ANXA2: variants seen among roughly 807,000 people sequenced by gnomAD.
The protein encoded by ANXA2 is annexin A2.
In ANXA2, 28 loss-of-function variants were observed where a neutral mutation model predicts 47.3. That is an observed-to-expected ratio of 0.59 (90% CI 0.44 to 0.81). The LOEUF is 0.81. Ranked by LOEUF, ANXA2 falls within the 40% of genes least tolerant of loss-of-function variation. The pLI is 0.00. For synonymous variants in ANXA2, 172 were observed against 155.5 expected (o/e 1.11, Z -0.79); for missense variants, 384 against 414.3 (o/e 0.93, Z 0.64).
At chr15:60,388,890 TGCCACTACA>T in intron 1 of ANXA2, among the ~76,000 whole-genome samples, 1 of 138,956 alleles carries the variant, frequency 7.2e-6, no homozygotes, top group Non-Finnish European at 1.6e-5. Context: ...TACAGGCGTG[TGCCACTACA>T]CCTGGCTTTT....
chr15:60,378,185 A>G (rs2062807282), intron 3 of ANXA2, among the ~76,000 whole-genome samples: 1 of 152,222 alleles, frequency 6.6e-6, no homozygotes, highest in South Asian at 2.1e-4. Context: ...TGACACATTT[A>G]AGGTGAATGG....
intron 1 of ANXA2, chr15:60,393,180 C>G: frequency 8.2e-7 from 1 of 1,223,916 alleles, no homozygotes; most frequent in South Asian, 1.5e-5. Context: ...ACAGCACTTG[C>G]TCCAGCTTGT....
At chr15:60,348,741 G>A (rs1424638143) in intron 12 of ANXA2, among the ~76,000 whole-genome samples, 3 of 118,212 alleles carry the variant, frequency 2.5e-5, no homozygotes, top group African/African-American at 3.3e-5. Flanking sequence ...GCAAGACTCC[G>A]TCTCAAAAAA....
chr15:60,359,001 C>T (rs2062473649), intron 5 of ANXA2, among the ~76,000 whole-genome samples: 1 of 152,186 alleles, frequency 6.6e-6, no homozygotes, highest in African/African-American at 2.4e-5. Context: ...ACAGACTGTC[C>T]ACAATTCCTA....
chr15:60,347,827 A>G, intron 12 of ANXA2, 138 bp from the exon 13 acceptor site: 1 of 774,796 alleles, frequency 1.3e-6, no homozygotes, highest in Non-Finnish European at 2.1e-6. Context: ...CTGCCCTGAT[A>G]CAAAGGCCTG....
chr15:60,397,921 G>C, intron 1 of ANXA2, 22 bp downstream of exon 1: 1 of 1,330,084 alleles, frequency 7.5e-7, no homozygotes, highest in Non-Finnish European at 9.6e-7. Flanking sequence ...CATCGCGGGC[G>C]GGCAGGGCGC....
In ANXA2 at chr15:60,354,159, C is replaced by T; in HGVS notation, c.583G>A (p.Ala195Thr). 1 of 1,613,830 alleles carries T rather than the reference C, an allele frequency of 6.2e-7. No homozygotes were observed. The highest frequency in any genetic ancestry group is 8.5e-7 in the Non-Finnish European group (1 of 1,179,798). ...VIDYELIDQD[A>T]RDLYDAGVKR... ...GCAAAAAGCTCAGCACTTACCCGAG[C>T]ATCTTGGTCAATCAGTTCATAATCA... The change falls in exon 8 of 13, where the codon GCT becomes ACT. Residue 195 changes from alanine (A) to threonine (T), a missense_variant. Coordinates refer to ENST00000451270, the MANE Select transcript of ANXA2 (RefSeq NM_004039.3).
At chr15:60,347,775 A>G (rs118183800) in intron 12 of ANXA2, 86 bp from the exon 13 acceptor site, 15,066 of 1,176,696 alleles carry the variant, frequency 0.013, 125 homozygotes, top group Non-Finnish European at 0.015. Flanking sequence ...TCAACGCACA[A>G]TGAAGCTTCT....
chr15:60,389,854 G>A (rs576141249), intron 1 of ANXA2, among the ~76,000 whole-genome samples: 2 of 152,198 alleles, frequency 1.3e-5, no homozygotes, highest in South Asian at 2.1e-4. Context: ...GCTCCAACAG[G>A]GTCACCACGA....
chr15:60,382,467 A>C, intron 2 of ANXA2, 26 bp from the exon 3 acceptor site: 2 of 1,479,264 alleles, frequency 1.4e-6, no homozygotes, highest in Non-Finnish European at 1.9e-6. Flanking sequence ...AAACATACTC[A>C]AATGACACAC....
intron 3 of ANXA2, among the ~76,000 whole-genome samples, chr15:60,381,443 A>G (rs1229263703): frequency 6.6e-6 from 1 of 152,196 alleles, no homozygotes; most frequent in Non-Finnish European, 1.5e-5. Flanking sequence ...AGGGGATGGG[A>G]CAACCCCAAG....
chr15:60,350,985 C>T (rs924055989), intron 11 of ANXA2, among the ~76,000 whole-genome samples: 6 of 152,226 alleles, frequency 3.9e-5, no homozygotes, highest in African/African-American at 1.2e-4. Context: ...TTTGTCTGTA[C>T]GCAAATACAT....
At chr15:60,374,829 A>G in intron 3 of ANXA2, 1 of 397,464 alleles carries the variant, frequency 2.5e-6, no homozygotes, top group South Asian at 1.8e-5. Context: ...ACACAGAGAG[A>G]AAGGCCTCAG....
chr15:60,365,844 C>T (rs1338086059), intron 3 of ANXA2, among the ~76,000 whole-genome samples: 2 of 78,566 alleles, frequency 2.5e-5, no homozygotes, highest in African/African-American at 1.2e-4. Context: ...CTCCCTCTCC[C>T]TCTCCCCCTC....
intron 3 of ANXA2, among the ~76,000 whole-genome samples, chr15:60,375,236 G>T (rs951507872): frequency 6.6e-6 from 1 of 152,096 alleles, no homozygotes; most frequent in African/African-American, 2.4e-5. Context: ...CTGAGAAAGG[G>T]GGGAGAAAAA....
At chr15:60,381,367 T>A (rs552288167) in intron 3 of ANXA2, among the ~76,000 whole-genome samples, 1 of 152,256 alleles carries the variant, frequency 6.6e-6, no homozygotes, top group Non-Finnish European at 1.5e-5. Context: ...AAGTGCTTTA[T>A]CCAAGGGGGG....
chr15:60,396,662 G>A (rs181298780), intron 1 of ANXA2, among the ~76,000 whole-genome samples: 15 of 152,328 alleles, frequency 9.8e-5, no homozygotes, highest in Admixed American at 2.0e-4. Flanking sequence ...GCCTGGGAAC[G>A]TCAGCACCTT....
intron 3 of ANXA2, among the ~76,000 whole-genome samples, chr15:60,367,217 G>A (rs2062633110): frequency 3.9e-5 from 3 of 76,498 alleles, no homozygotes; most frequent in Non-Finnish European, 5.4e-5. Context: ...GGAGGGAGGT[G>A]GGGGGGGTCA....
Position 60,358,065 on chromosome 15 carries a change from G to GA in ANXA2, c.358-830dup, listed in dbSNP as rs976532555. 4.6e-5 allele frequency among the ~76,000 whole-genome samples: 7 copies of GA among 152,248 alleles called. No homozygotes were observed. In the Middle Eastern group the frequency reaches 0.01, roughly 222 times the overall value. ...TTTTACCAGGCAAAGGTATAGTTAA[G>GA]AAAAAATTTTTAGCTGCACTCTTTG... On this transcript the variant is annotated intron_variant, in intron 5 of 12. Coordinates refer to ENST00000451270, the MANE Select transcript of ANXA2 (RefSeq NM_004039.3).
Sources: gnomAD v4.1 joint callset for allele counts (sites outside exome capture counted in the v4.1 genomes callset) on GRCh38, gnomAD v4.1.1 for gene constraint, MANE v1.5 for transcripts, NCBI Gene and HGNC (gene_info 2026-07-23, HGNC 2026-07-21) for gene names.